The following HRH1 variants were observed in gnomAD, a reference collection of about 807,000 sequenced individuals.
HRH1 encodes histamine receptor H1.
In HRH1, 6 loss-of-function variants were observed where a neutral mutation model predicts 10.3. The observed-to-expected ratio is 0.58, with a 90% CI of 0.32 to 1.15. The LOEUF (loss-of-function observed/expected upper bound fraction) is 1.15, where lower values mean the gene tolerates loss of function less well. HRH1 is among the 50% of genes most tolerant of loss of function. HRH1 has a pLI of 0.05. For synonymous variants in HRH1, 242 were observed against 236.7 expected (o/e 1.02, Z -0.21); for missense variants, 514 against 615.3 (o/e 0.84, Z 1.74).
At chr3:11,145,483 T>C (rs1936419387) in intron 1 of HRH1, among the ~76,000 whole-genome samples, 2 of 152,196 alleles carry the variant, frequency 1.3e-5, no homozygotes. Context: ...TCTAATGCCT[T>C]TTCCAGGCTC....
chr3:11,190,775 G>A lies in HRH1; in HGVS notation c.-36+36221G>A, dbSNP rs533468512. On this transcript the variant is annotated intron_variant, in intron 1 of 1. Coordinates refer to ENST00000431010, the MANE Select transcript of HRH1 (RefSeq NM_001098212.2). ...CTGAGGTGGGAGGATCGCTTGAGCC[G>A]TGAGGTTGAGACTGCAGTGAACCCT... Among the ~76,000 whole-genome samples, 15 of 152,218 alleles carry A rather than the reference G, an allele frequency of 9.9e-5. 1 individual carries two copies. In the South Asian group the frequency reaches 2.1e-3, roughly 21 times the overall value.
At chr3:11,258,332 C>A (rs764535549) in intron 1 of HRH1, among the ~76,000 whole-genome samples, 1 of 151,530 alleles carries the variant, frequency 6.6e-6, no homozygotes, top group South Asian at 2.1e-4. Context: ...GAAGAAGATT[C>A]CAGAGTTGGC....
chr3:11,250,025 A>C (rs903215725), intron 1 of HRH1, among the ~76,000 whole-genome samples: 8 of 146,650 alleles, frequency 5.5e-5, no homozygotes, highest in Non-Finnish European at 8.9e-5. Context: ...AGGCAGATTA[A>C]GCTTTTCTCT....
intron 1 of HRH1, among the ~76,000 whole-genome samples, chr3:11,224,097 T>C (rs1323819439): frequency 6.6e-6 from 1 of 152,178 alleles, no homozygotes; most frequent in Non-Finnish European, 1.5e-5. Flanking sequence ...TTGTTCTCTT[T>C]AGTGTATTGT....
At chr3:11,179,628 AAAAAG>A (rs1021738621) in intron 1 of HRH1, among the ~76,000 whole-genome samples, 5 of 151,700 alleles carry the variant, frequency 3.3e-5, no homozygotes, top group African/African-American at 4.8e-5. Context: ...TCAAAAAAAA[AAAAAG>A]AAAGAAAGAA....
At chr3:11,138,180 ATTTT>A (rs746775307) in intron 1 of HRH1, among the ~76,000 whole-genome samples, 1 of 135,580 alleles carries the variant, frequency 7.4e-6, no homozygotes, top group Admixed American at 7.8e-5. Context: ...ACGTTTGGCT[ATTTT>A]TTTTTTTTTT....
At chr3:11,238,335 G>A (rs1035437986) in intron 1 of HRH1, among the ~76,000 whole-genome samples, 6 of 152,178 alleles carry the variant, frequency 3.9e-5, no homozygotes, top group African/African-American at 1.4e-4. Flanking sequence ...AAGAAATCAT[G>A]ATATCTATTT....
At chr3:11,177,253 T>TTAAATAAATAAATAAATAAA (rs201560218) in intron 1 of HRH1, among the ~76,000 whole-genome samples, 2,585 of 149,376 alleles carry the variant, frequency 0.017, 79 homozygotes, top group African/African-American at 0.06. Context: ...AATAAATAAA[T>TTAAATAAATAAATAAATAAA]TAAATAAATA....
chr3:11,148,397 A>G (rs1936510608), intron 1 of HRH1, among the ~76,000 whole-genome samples: 1 of 152,194 alleles, frequency 6.6e-6, no homozygotes, highest in Admixed American at 6.5e-5. Flanking sequence ...GAGAATATCC[A>G]AAACACCAGT....
intron 1 of HRH1, among the ~76,000 whole-genome samples, chr3:11,172,495 A>G (rs1379821559): frequency 1.3e-5 from 2 of 152,158 alleles, no homozygotes; most frequent in African/African-American, 2.4e-5. Context: ...GGAACCCTCT[A>G]TGGGTCATAT....
chr3:11,203,775 T>A (rs1255047800), intron 1 of HRH1, among the ~76,000 whole-genome samples: 1 of 152,250 alleles, frequency 6.6e-6, no homozygotes, highest in African/African-American at 2.4e-5. Context: ...AGTTGGGTAG[T>A]GTCAGTCTGC....
chr3:11,148,133 T>C (rs1010563761), intron 1 of HRH1, among the ~76,000 whole-genome samples: 3 of 151,238 alleles, frequency 2.0e-5, no homozygotes, highest in Admixed American at 2.0e-4. Flanking sequence ...TGAGCTGAGA[T>C]TGTGCCACTG....
chr3:11,178,620 C>T (rs998797888), intron 1 of HRH1, among the ~76,000 whole-genome samples: 3 of 152,192 alleles, frequency 2.0e-5, no homozygotes, highest in Non-Finnish European at 2.9e-5. Context: ...CCCCCTGCGG[C>T]CTTTGACAGA....
upstream of HRH1, among the ~76,000 whole-genome samples, chr3:11,154,250 G>A (rs911585805): frequency 6.6e-6 from 1 of 152,088 alleles, no homozygotes; most frequent in South Asian, 2.1e-4. The surrounding 1 kb of genome is among the most constrained non-coding windows in gnomAD (Gnocchi z 4.4). Context: ...TACCCAGCGG[G>A]AGCAGCTCCA....
At chr3:11,231,523 A>G (rs1391083194) in intron 1 of HRH1, among the ~76,000 whole-genome samples, 3 of 152,142 alleles carry the variant, frequency 2.0e-5, no homozygotes, top group Non-Finnish European at 4.4e-5. Context: ...CTTTTATTTT[A>G]GCCATTCTGA....
intron 1 of HRH1, among the ~76,000 whole-genome samples, chr3:11,206,370 G>C (rs994601155): frequency 6.6e-6 from 1 of 152,160 alleles, no homozygotes; most frequent in Non-Finnish European, 1.5e-5. Context: ...TGCCTGCTTC[G>C]GCCTTCCGAA....
chr3:11,193,522 G>A (rs1937588414), intron 1 of HRH1, among the ~76,000 whole-genome samples: 1 of 152,180 alleles, frequency 6.6e-6, no homozygotes, highest in Non-Finnish European at 1.5e-5. Context: ...AATGACTGGT[G>A]AGGGTCAGTT....
At chr3:11,240,411 T>C (rs1357269021) in intron 1 of HRH1, among the ~76,000 whole-genome samples, 2 of 152,080 alleles carry the variant, frequency 1.3e-5, no homozygotes, top group African/African-American at 2.4e-5. Flanking sequence ...CAGCAGTTGG[T>C]AGAATGTGAG....
intron 1 of HRH1, among the ~76,000 whole-genome samples, chr3:11,236,901 G>A (rs1472272572): frequency 2.0e-5 from 3 of 152,170 alleles, no homozygotes; most frequent in Non-Finnish European, 4.4e-5. Flanking sequence ...AATCACCTGG[G>A]AGCTCTCTCT....
Sources: allele counts gnomAD v4.1 joint callset (sites outside exome capture counted in the v4.1 genomes callset), GRCh38; gene constraint gnomAD v4.1.1; non-coding constraint Gnocchi (gnomAD v3.1); transcripts MANE v1.5; gene names NCBI Gene and HGNC (gene_info 2026-07-23, HGNC 2026-07-21).